The following PRKG1 variants were observed in gnomAD, a reference collection of about 807,000 sequenced individuals.
The protein encoded by PRKG1 is cGMP-dependent protein kinase 1.
PRKG1 carries 35 observed loss-of-function variants against 88.1 expected under a neutral mutation model. The observed-to-expected ratio is 0.40, with a 90% confidence interval of 0.30 to 0.53. PRKG1 has a LOEUF of 0.53. Among genes scored for constraint, PRKG1 ranks in the 20% least tolerant of loss-of-function variants. PRKG1 has a pLI of 0.59. For missense variants in PRKG1, 540 were observed against 839.8 expected (o/e 0.64, Z 4.41); for synonymous variants, 303 against 292.5 (o/e 1.04, Z -0.37).
In PRKG1 at chr10:52,280,780, G is replaced by C. The variant is rs1236248955; in HGVS notation, c.1404-9G>C. The C allele has an allele frequency of 1.1e-5, 18 of 1,608,028 alleles. No homozygotes were observed. Among genetic ancestry groups the C allele is most frequent in the Admixed American group, 3.4e-5 (2 of 59,316 alleles). ...TTTATACAATTTTCATTCCATTTCT[G>C]CACCTCAGAGGTTCGTTTGAAGATT... On this transcript the variant is annotated splice_polypyrimidine_tract_variant and intron_variant, in intron 12 of 17. Coordinates refer to ENST00000373980, the MANE Select transcript of PRKG1 (RefSeq NM_006258.4).
chr10:51,316,454 C>T (rs886655264), intron 2 of PRKG1, among the ~76,000 whole-genome samples: 1 of 152,102 alleles, frequency 6.6e-6, no homozygotes, highest in Non-Finnish European at 1.5e-5. Flanking sequence ...GAGGCAGAGG[C>T]AGGCAGATCA....
At chr10:51,288,563 A>G (rs1840501865) in intron 2 of PRKG1, among the ~76,000 whole-genome samples, 1 of 152,236 alleles carries the variant, frequency 6.6e-6, no homozygotes, top group Non-Finnish European at 1.5e-5. Context: ...GTTAATCATT[A>G]TGATAGTTCA....
intron 2 of PRKG1, among the ~76,000 whole-genome samples, chr10:51,270,576 G>A (rs1839952701): frequency 6.6e-6 from 1 of 152,050 alleles, no homozygotes; most frequent in Non-Finnish European, 1.5e-5. Flanking sequence ...TCAACAGATT[G>A]GAAACTGTGA....
intron 2 of PRKG1, among the ~76,000 whole-genome samples, chr10:51,244,217 T>A (rs1839227492): frequency 6.6e-6 from 1 of 152,140 alleles, no homozygotes; most frequent in Admixed American, 6.6e-5. Context: ...AACTTATTAG[T>A]TATTTGATTA....
intron 1 of PRKG1, among the ~76,000 whole-genome samples, chr10:51,084,172 T>A (rs1844187352): frequency 6.6e-6 from 1 of 152,154 alleles, no homozygotes; most frequent in Admixed American, 6.5e-5. Flanking sequence ...ATAAGTAAAG[T>A]AAACACTTTC....
At chr10:51,110,772 G>T (rs1229931406) in intron 1 of PRKG1, among the ~76,000 whole-genome samples, 2 of 151,998 alleles carry the variant, frequency 1.3e-5, no homozygotes, top group Non-Finnish European at 2.9e-5. Flanking sequence ...CTCATTCTAG[G>T]GGTTAAATAG....
intron 5 of PRKG1, among the ~76,000 whole-genome samples, chr10:51,998,326 G>A (rs879327019): frequency 4.0e-5 from 6 of 151,814 alleles, no homozygotes; most frequent in Admixed American, 6.6e-5. Flanking sequence ...TCTTGATTTC[G>A]TGTGGGAGCT....
At chr10:51,592,522 C>T (rs1242772756) in intron 3 of PRKG1, among the ~76,000 whole-genome samples, 2 of 152,144 alleles carry the variant, frequency 1.3e-5, no homozygotes, top group African/African-American at 2.4e-5. Flanking sequence ...TGATGAGAGG[C>T]CCATCTCCTG....
chr10:51,370,071 A>G (rs1842669405), intron 2 of PRKG1, among the ~76,000 whole-genome samples: 1 of 152,126 alleles, frequency 6.6e-6, no homozygotes, highest in South Asian at 2.1e-4. Context: ...TCTTGGTACC[A>G]TATGAAATAT....
chr10:51,871,899 G>A (rs1176897199), intron 4 of PRKG1, among the ~76,000 whole-genome samples: 1 of 152,132 alleles, frequency 6.6e-6, no homozygotes, highest in Non-Finnish European at 1.5e-5. Context: ...GCTTGAAAGA[G>A]TAAAACATTA....
intron 1 of PRKG1, among the ~76,000 whole-genome samples, chr10:51,052,946 A>T (rs1843582336): frequency 6.6e-6 from 1 of 152,194 alleles, no homozygotes; most frequent in Non-Finnish European, 1.5e-5. Context: ...TAAAAAAGTC[A>T]TGGCCAGTTG....
intron 3 of PRKG1, among the ~76,000 whole-genome samples, chr10:51,599,143 A>G (rs2132222750): frequency 6.6e-6 from 1 of 152,290 alleles, no homozygotes; most frequent in South Asian, 2.1e-4. Context: ...TCAGGATAGT[A>G]TGGATGAAAC....
At chr10:52,189,681 C>G (rs1285001211) in intron 9 of PRKG1, among the ~76,000 whole-genome samples, 1 of 152,142 alleles carries the variant, frequency 6.6e-6, no homozygotes, top group African/African-American at 2.4e-5. Context: ...GTCCCTGATG[C>G]CAAAAAGGTT....
chr10:52,092,514 C>T (rs758589640), intron 7 of PRKG1, among the ~76,000 whole-genome samples: 23 of 152,046 alleles, frequency 1.5e-4, no homozygotes, highest in Admixed American at 8.5e-4. Context: ...CCTTCTATGT[C>T]TGATTACATT....
At chr10:51,907,436 T>C (rs1015141717) in intron 4 of PRKG1, 71 bp from the exon 5 acceptor site, 2 of 1,232,322 alleles carry the variant, frequency 1.6e-6, no homozygotes, top group Non-Finnish European at 2.3e-6. Context: ...ATTAGATTCA[T>C]GGTCATTTTT....
At chr10:51,420,622 G>A (rs1231289301) in intron 2 of PRKG1, among the ~76,000 whole-genome samples, 1 of 152,116 alleles carries the variant, frequency 6.6e-6, no homozygotes, top group Admixed American at 6.6e-5. Flanking sequence ...GGCTGACAAA[G>A]GTTTCACAAC....
At chr10:51,499,471 A>G (rs1456120184) in intron 3 of PRKG1, among the ~76,000 whole-genome samples, 2 of 152,192 alleles carry the variant, frequency 1.3e-5, no homozygotes, top group South Asian at 4.1e-4. Context: ...TAGTGGAATT[A>G]CCCCTTAAAA....
At chr10:52,124,741 G>C (rs1444660367) in intron 7 of PRKG1, among the ~76,000 whole-genome samples, 2 of 151,500 alleles carry the variant, frequency 1.3e-5, no homozygotes, top group Non-Finnish European at 2.9e-5. Flanking sequence ...CAGCTGTATA[G>C]AAATAGTTTC....
At chr10:51,891,445 T>C (rs1841719134) in intron 4 of PRKG1, among the ~76,000 whole-genome samples, 1 of 152,222 alleles carries the variant, frequency 6.6e-6, no homozygotes, top group African/African-American at 2.4e-5. Context: ...GAACTTTGAC[T>C]ATATGACCTG....
Sources: gnomAD v4.1 joint callset for allele counts (sites outside exome capture counted in the v4.1 genomes callset) on GRCh38, gnomAD v4.1.1 for gene constraint, MANE v1.5 for transcripts, NCBI Gene and HGNC (gene_info 2026-07-23, HGNC 2026-07-21) for gene names.